Variants in SPTLC2 observed in about 807,000 individuals in gnomAD.
SPTLC2 encodes serine palmitoyltransferase 2.
Under a neutral mutation model 62.0 loss-of-function variants are expected in SPTLC2, and 21 were observed. That is an observed-to-expected ratio of 0.34 (90% confidence interval 0.24 to 0.49). SPTLC2 has a LOEUF of 0.49. Among genes scored for constraint, SPTLC2 ranks in the 20% least tolerant of loss-of-function variants. The pLI is 0.99. For synonymous variants in SPTLC2, 261 were observed against 261.8 expected, an observed-to-expected ratio of 1.00 and a Z score of 0.03; for missense variants, 511 against 713.0, an observed-to-expected ratio of 0.72 and a Z score of 3.23.
intron 9 of SPTLC2, among the ~76,000 whole-genome samples, chr14:77,533,235 G>C (rs1047205989): frequency 2.6e-5 from 4 of 151,342 alleles, no homozygotes; most frequent in Non-Finnish European, 5.9e-5. Context: ...AGGAGGCAGA[G>C]GTTGCAGTGA....
intron 2 of SPTLC2, among the ~76,000 whole-genome samples, chr14:77,582,941 G>T (rs943233586): frequency 6.6e-6 from 1 of 152,126 alleles, no homozygotes; most frequent in Admixed American, 6.6e-5. Context: ...AGTGGCTCAC[G>T]CCGTAATCCC....
intron 9 of SPTLC2, 164 bp from the exon 10 acceptor site, chr14:77,521,745 T>C: frequency 2.9e-6 from 2 of 678,632 alleles, no homozygotes; most frequent in Admixed American, 4.8e-5. Context: ...AATATAAATG[T>C]AAAATGTCTC....
intron 6 of SPTLC2, 31 bp from the exon 7 acceptor site, chr14:77,557,177 G>A (rs754179946): frequency 7.2e-6 from 11 of 1,521,178 alleles, no homozygotes; most frequent in Admixed American, 5.0e-5. Context: ...CAGTTATACC[G>A]CATCTTCCTC....
At chr14:77,538,297 C>T (rs912445305) in intron 9 of SPTLC2, among the ~76,000 whole-genome samples, 1 of 152,194 alleles carries the variant, frequency 6.6e-6, no homozygotes, top group African/African-American at 2.4e-5. Flanking sequence ...GGCAAGCAGA[C>T]ACCGTCCTTT....
chr14:77,609,322 T>C (rs1291356023), intron 1 of SPTLC2, among the ~76,000 whole-genome samples: 1 of 152,230 alleles, frequency 6.6e-6, no homozygotes, highest in Admixed American at 6.5e-5. Flanking sequence ...TTCTCCTGCA[T>C]GTATTAGTAC....
At chr14:77,576,307 T>C (rs1004041799) in intron 4 of SPTLC2, among the ~76,000 whole-genome samples, 1 of 152,244 alleles carries the variant, frequency 6.6e-6, no homozygotes, top group Non-Finnish European at 1.5e-5. Flanking sequence ...AAAGAGTTTA[T>C]ATTTATTGTC....
At chr14:77,608,496 A>G (rs2079916901) in intron 1 of SPTLC2, among the ~76,000 whole-genome samples, 1 of 152,218 alleles carries the variant, frequency 6.6e-6, no homozygotes, top group Admixed American at 6.5e-5. Context: ...TAAATAAAAC[A>G]TTAAAGTTAT....
chr14:77,606,263 A>G, intron 1 of SPTLC2, among the ~76,000 whole-genome samples: 1 of 152,154 alleles, frequency 6.6e-6, no homozygotes, highest in East Asian at 1.9e-4. Context: ...CCAGGAGGCA[A>G]AGGTTGCAGT....
chr14:77,558,076 C>A (rs1260114018), intron 6 of SPTLC2, among the ~76,000 whole-genome samples: 1 of 147,748 alleles, frequency 6.8e-6, no homozygotes, highest in Admixed American at 6.8e-5. Flanking sequence ...GAGATGGAGT[C>A]TCCCTCTGTC....
At chr14:77,546,700 T>A (rs2079529900) in intron 9 of SPTLC2, among the ~76,000 whole-genome samples, 1 of 151,884 alleles carries the variant, frequency 6.6e-6, no homozygotes, top group Non-Finnish European at 1.5e-5. Context: ...TAGAGAGTAG[T>A]TGCTTGTTGC....
chr14:77,577,032 AT>A, intron 3 of SPTLC2, 117 bp from the exon 4 acceptor site: 1 of 1,117,642 alleles, frequency 8.9e-7, no homozygotes, highest in Non-Finnish European at 1.3e-6. Flanking sequence ...TATTAAAAAA[AT>A]CTCAAACACA....
intron 2 of SPTLC2, among the ~76,000 whole-genome samples, chr14:77,585,585 T>A (rs1251461942): frequency 6.6e-6 from 1 of 152,172 alleles, no homozygotes; most frequent in Non-Finnish European, 1.5e-5. Context: ...TGCTTAGAAC[T>A]GTCTCAGTGT....
intron 7 of SPTLC2, among the ~76,000 whole-genome samples, chr14:77,556,788 T>G (rs1198011399): frequency 6.6e-6 from 1 of 152,172 alleles, no homozygotes; most frequent in African/African-American, 2.4e-5. Flanking sequence ...AGGTTCCCTC[T>G]ACAAACTAGA....
At chr14:77,586,599 A>G (rs1204247472) in intron 2 of SPTLC2, among the ~76,000 whole-genome samples, 1 of 152,200 alleles carries the variant, frequency 6.6e-6, no homozygotes, top group Non-Finnish European at 1.5e-5. Flanking sequence ...ACTTGCTACA[A>G]TGGTACATGA....
At chr14:77,605,598 G>C (rs899080696) in intron 1 of SPTLC2, among the ~76,000 whole-genome samples, 3 of 152,214 alleles carry the variant, frequency 2.0e-5, no homozygotes, top group Non-Finnish European at 4.4e-5. Context: ...TACTTGTAGA[G>C]CTTTAGCGTG....
rs543090655 is a variant in SPTLC2 at position 77,523,108 on chromosome 14, A to G, written c.1304-1527T>C. Among the ~76,000 whole-genome samples the G allele has an allele frequency of 4.6e-5, 7 of 152,326 alleles. No homozygotes were observed. The East Asian group carries it at 1.3e-3, about 29-fold the overall frequency. On this transcript the variant is annotated intron_variant, in intron 9 of 11. Transcript: ENST00000216484. ...AAGAAAGCAGACATTAAAGTGTGTT[A>G]TATTTAAGTATGTTGGGAACTGATG...
At chr14:77,547,276 T>G (rs965327295) in intron 9 of SPTLC2, among the ~76,000 whole-genome samples, 1 of 152,132 alleles carries the variant, frequency 6.6e-6, no homozygotes, top group Admixed American at 6.6e-5. Flanking sequence ...TAAACTCTAC[T>G]GTGGGTAAGA....
Position 77,509,985 on chromosome 14 carries a change from G to C in SPTLC2, c.*2299C>G. 5.0e-6 allele frequency: 2 copies of C among 398,316 alleles called. No individual in the cohort carries two copies. 24.7% of individuals were successfully genotyped at this position (398,316 alleles called of 1,614,324 possible). A position where few individuals can be genotyped will look rare whatever the true frequency, so the allele number is the denominator to read the frequency against. ...TAGCAGGTAAGTTCATTGCTTATAAGTTTGTGACTTTTACAAACCCTACGT... is the reference window on the plus strand; with the variant it reads ...TAGCAGGTAAGTTCATTGCTTATAACTTTGTGACTTTTACAAACCCTACGT... On this transcript the variant is annotated 3_prime_UTR_variant, in exon 12 of 12. Coordinates refer to ENST00000216484, the MANE Select transcript of SPTLC2 (RefSeq NM_004863.4).
At chr14:77,613,399 G>GT (rs1436324758) in intron 1 of SPTLC2, among the ~76,000 whole-genome samples, 2 of 152,166 alleles carry the variant, frequency 1.3e-5, no homozygotes, top group Non-Finnish European at 2.9e-5. Flanking sequence ...CCACTCATCT[G>GT]AATAGCAGAG....
Sources: allele counts gnomAD v4.1 joint callset (sites outside exome capture counted in the v4.1 genomes callset), GRCh38; gene constraint gnomAD v4.1.1; transcripts MANE v1.5; gene names NCBI Gene and HGNC (gene_info 2026-07-23, HGNC 2026-07-21).